The following DHX15 variants were observed in gnomAD, a reference collection of about 807,000 sequenced individuals.
DHX15 encodes the protein DEAH-box helicase 15, also known as ATP-dependent RNA helicase DHX15.
DHX15 carries 11 observed loss-of-function variants against 94.4 expected under a neutral mutation model. The ratio of observed to expected loss-of-function variants is 0.12; its 90% CI spans 0.07 to 0.19. The LOEUF is 0.19. DHX15 is among the 10% of genes least tolerant of loss of function. The probability of loss-of-function intolerance (pLI) is 1.00; values close to 1 mark genes in which losing one functional copy is unlikely to be tolerated. For synonymous variants in DHX15, 338 were observed against 329.9 expected (o/e 1.02, Z -0.27); for missense variants, 304 against 988.5 (o/e 0.31, Z 9.29).
intron 11 of DHX15, among the ~76,000 whole-genome samples, chr4:24,534,562 T>A (rs540110650): frequency 1.4e-4 from 21 of 152,300 alleles, no homozygotes; most frequent in African/African-American, 5.1e-4. Flanking sequence ...TAGCTGTTTA[T>A]CTCTCACCAA....
intron 1 of DHX15, among the ~76,000 whole-genome samples, chr4:24,583,792 C>T (rs1261509812): frequency 6.6e-6 from 1 of 152,152 alleles, no homozygotes; most frequent in Admixed American, 6.5e-5. Context: ...CCACCCCCAT[C>T]CCAGCCTACA....
At chr4:24,551,261 T>C (rs1481900150) in intron 5 of DHX15, among the ~76,000 whole-genome samples, 1 of 152,184 alleles carries the variant, frequency 6.6e-6, no homozygotes, top group Non-Finnish European at 1.5e-5. Context: ...CTAGGCAGCC[T>C]GTCCAATAAA....
At chr4:24,543,671 A>G (rs901921885) in intron 6 of DHX15, among the ~76,000 whole-genome samples, 3 of 152,204 alleles carry the variant, frequency 2.0e-5, no homozygotes, top group African/African-American at 7.2e-5. Flanking sequence ...AAGCATTTAC[A>G]TACTAATATG....
chr4:24,584,432 G>C lies in DHX15; in HGVS notation c.-39C>G, dbSNP rs367609645. 13 of 1,596,588 alleles carry C rather than the reference G, an allele frequency of 8.1e-6. No individual in the cohort carries two copies. In the South Asian group the frequency reaches 1.1e-4, roughly 14 times the overall value. On this transcript the variant is annotated 5_prime_UTR_variant, in exon 1 of 14. Coordinates refer to ENST00000336812, the MANE Select transcript of DHX15 (RefSeq NM_001358.3). ...GAACGGGCAGTTATTAAGGAAGAAA[G>C]CTGGCTGCTGTATGGGCACAGTCGA...
In DHX15 at chr4:24,547,877, CTCTCTCTCTCTCTATG is replaced by C. The variant is rs1414914316; in HGVS notation, c.1248+962_1248+977del. 1.2e-4 allele frequency among the ~76,000 whole-genome samples: 10 copies of C among 85,738 alleles called. 1 individual carries two copies. The highest frequency in any genetic ancestry group is 5.8e-4 in the East Asian group (2 of 3,446). 56.2% of individuals were successfully genotyped at this position (85,738 alleles called of 152,430 possible). Reference sequence around the variant, plus strand: ...GACATATATGTCTCTCTCTCTCTCTCTCTCTCTCTCTCTATGTATGTATGTGTATATATATATATAT... The same window carrying C: ...GACATATATGTCTCTCTCTCTCTCTCTATGTATGTGTATATATATATATAT... On this transcript the variant is annotated intron_variant, in intron 6 of 13. Transcript: ENST00000336812.
intron 1 of DHX15, among the ~76,000 whole-genome samples, chr4:24,583,339 G>T (rs1470252494): frequency 6.6e-6 from 1 of 152,122 alleles, no homozygotes; most frequent in African/African-American, 2.4e-5. Context: ...AAGAGTTTGT[G>T]TAAGTATTTC....
chr4:24,536,948 A>ATG (rs1721211791), intron 11 of DHX15, 103 bp downstream of exon 11: 2 of 1,326,646 alleles, frequency 1.5e-6, no homozygotes, highest in South Asian at 3.5e-5. Flanking sequence ...TGGGTTTCTA[A>ATG]TATAAGTTGT....
rs779164425 is a variant in DHX15 at position 24,527,963 on chromosome 4, G to A, written c.2349C>T (p.Ile783=). ...ATTCCTTGGATTGAAGTTTGGCAAT[G>A]ATGCGGTCCAACTGTCTCTTTGCTT... ...QCEAKRQLDR[I]IAKLQSKEYS... is the part of the protein sequence containing the mutation. The change falls in exon 14 of 14, where the codon ATC becomes ATT. Residue 783 remains isoleucine, a synonymous_variant. Coordinates refer to ENST00000336812, the MANE Select transcript of DHX15 (RefSeq NM_001358.3). The A allele has an allele frequency of 6.2e-7, 1 of 1,613,982 alleles. No homozygotes were observed.
intron 3 of DHX15, 57 bp from the exon 4 acceptor site, chr4:24,556,467 C>A: frequency 2.1e-6 from 3 of 1,412,984 alleles, no homozygotes; most frequent in Non-Finnish European, 9.6e-7. Context: ...TAAAACCAAA[C>A]TTCGTGACAA....
intron 2 of DHX15, among the ~76,000 whole-genome samples, chr4:24,575,848 T>C (rs752091898): frequency 2.0e-4 from 31 of 152,186 alleles, no homozygotes; most frequent in Non-Finnish European, 3.4e-4. Flanking sequence ...CGGTATAGAC[T>C]TTATATTACT....
chr4:24,570,021 A>G (rs899175656), intron 3 of DHX15, among the ~76,000 whole-genome samples: 2 of 152,262 alleles, frequency 1.3e-5, no homozygotes, highest in Admixed American at 1.3e-4. Flanking sequence ...TTGAGAAAGA[A>G]TCATCATCAG....
intron 3 of DHX15, among the ~76,000 whole-genome samples, chr4:24,568,488 A>G (rs553224961): frequency 6.6e-6 from 1 of 152,356 alleles, no homozygotes; most frequent in East Asian, 1.9e-4. Flanking sequence ...CATTAAAAAA[A>G]TCACAATGCC....
chr4:24,544,920 A>G (rs2109398995), intron 6 of DHX15, among the ~76,000 whole-genome samples: 1 of 152,212 alleles, frequency 6.6e-6, no homozygotes, highest in African/African-American at 2.4e-5. Flanking sequence ...ACAAGCCTGG[A>G]CAACATAGTA....
chr4:24,571,389 T>A (rs201477900), intron 2 of DHX15, among the ~76,000 whole-genome samples: 1 of 152,160 alleles, frequency 6.6e-6, no homozygotes, highest in South Asian at 2.1e-4. Flanking sequence ...TTAGGTACCA[T>A]CTTAAAATCA....
intron 2 of DHX15, among the ~76,000 whole-genome samples, chr4:24,571,263 T>G (rs536475449): frequency 1.6e-4 from 24 of 149,658 alleles, no homozygotes; most frequent in Non-Finnish European, 2.8e-4. Context: ...AGCTGTACTT[T>G]TATTTAATTC....
intron 11 of DHX15, among the ~76,000 whole-genome samples, chr4:24,535,422 C>T (rs944797718): frequency 8.5e-5 from 13 of 152,148 alleles, no homozygotes; most frequent in African/African-American, 3.1e-4. Flanking sequence ...GCATGTTTCG[C>T]ATAGAAGAGG....
intron 12 of DHX15, among the ~76,000 whole-genome samples, chr4:24,531,048 C>T (rs1455966868): frequency 6.6e-6 from 1 of 152,014 alleles, no homozygotes; most frequent in African/African-American, 2.4e-5. Context: ...AAATTTTAAT[C>T]TACATAATTA....
In DHX15 at chr4:24,568,495, T is replaced by C. The variant is rs1006454885; in HGVS notation, c.701+2159A>G. 5.1e-4 allele frequency among the ~76,000 whole-genome samples: 77 copies of C among 152,160 alleles called. 1 individual carries two copies. Among genetic ancestry groups the C allele is most frequent in the African/African-American group, 1.8e-3 (73 of 41,440 alleles). Reference sequence around the variant, plus strand: ...AAATGCTCCATTAAAAAAATCACAATGCCAAAAATACTTCATTTGAACTAT... The same window carrying C: ...AAATGCTCCATTAAAAAAATCACAACGCCAAAAATACTTCATTTGAACTAT... On this transcript the variant is annotated intron_variant, in intron 3 of 13. Transcript: ENST00000336812.
At chr4:24,541,418 G>A (rs1384841272) in intron 8 of DHX15, among the ~76,000 whole-genome samples, 1 of 151,982 alleles carries the variant, frequency 6.6e-6, no homozygotes, top group Non-Finnish European at 1.5e-5. Context: ...ACTTAATAAT[G>A]GCCCCAAAGC....
Sources: gnomAD v4.1 joint callset for allele counts (sites outside exome capture counted in the v4.1 genomes callset) on GRCh38, gnomAD v4.1.1 for gene constraint, MANE v1.5 for transcripts, NCBI Gene and HGNC (gene_info 2026-07-23, HGNC 2026-07-21) for gene names.